The following TRAPPC12 variants were observed in gnomAD, a reference collection of about 807,000 sequenced individuals.
TRAPPC12 encodes trafficking protein particle complex subunit 12.
In TRAPPC12, 61 loss-of-function variants were observed where a neutral mutation model predicts 69.2. The observed-to-expected ratio is 0.88, with a 90% CI of 0.72 to 1.09. The LOEUF is 1.09. Among genes scored for constraint, TRAPPC12 ranks in the 50% least tolerant of loss-of-function variants. The pLI is 0.00. For synonymous variants in TRAPPC12, 469 were observed against 438.9 expected, an observed-to-expected ratio of 1.07 and a Z score of -0.86; for missense variants, 1,101 against 1,016.4, an observed-to-expected ratio of 1.08 and a Z score of -1.13.
chr2:3,478,940 T>C lies in TRAPPC12; in HGVS notation c.1965+7T>C, dbSNP rs755509634. 1.2e-6 allele frequency: 2 copies of C among 1,613,390 alleles called. No individual in the cohort carries two copies. The highest frequency in any genetic ancestry group is 1.1e-5 in the South Asian group (1 of 91,052). On this transcript the variant is annotated splice_region_variant and intron_variant, in intron 11 of 11. Transcript: ENST00000324266. ...GGATCCAAGAAACGCAGTGGTAAGA[T>C]CCCCAAGCTGCAGGATCCTCCATCC...
chr2:3,404,826 G>A (rs1012888540), intron 3 of TRAPPC12, among the ~76,000 whole-genome samples: 1 of 150,674 alleles, frequency 6.6e-6, no homozygotes, highest in Non-Finnish European at 1.5e-5. Flanking sequence ...GCGTCAGAAT[G>A]TTGGGTTTAA....
At chr2:3,426,346 A>G (rs1216166956) in intron 5 of TRAPPC12, among the ~76,000 whole-genome samples, 1 of 152,238 alleles carries the variant, frequency 6.6e-6, no homozygotes, top group Non-Finnish European at 1.5e-5. Flanking sequence ...CAGCAACACC[A>G]CTATCACTCT....
chr2:3,446,992 A>T (rs867152816), intron 6 of TRAPPC12, among the ~76,000 whole-genome samples: 1 of 152,244 alleles, frequency 6.6e-6, no homozygotes, highest in Admixed American at 6.5e-5. Flanking sequence ...CCATAAAGGA[A>T]TACCCGAGGG....
chr2:3,405,877 C>T (rs773231841), intron 3 of TRAPPC12, among the ~76,000 whole-genome samples: 1 of 152,214 alleles, frequency 6.6e-6, no homozygotes, highest in Non-Finnish European at 1.5e-5. Flanking sequence ...GCACTCCTAA[C>T]CCATGGCAGT....
At chr2:3,389,767 C>T (rs968590050) in intron 2 of TRAPPC12, 3 of 467,210 alleles carry the variant, frequency 6.4e-6, no homozygotes, top group African/African-American at 4.1e-5. Flanking sequence ...GAGATTATGC[C>T]GACAACCAGA....
Position 3,479,290 on chromosome 2 carries a change from C to T in TRAPPC12, c.2037C>T (p.Ala679=). Residue 679 remains alanine, a synonymous_variant, in exon 12 of 12, where the codon GCC becomes GCT. Transcript: ENST00000324266. ...KLKDSLRQLE[A]MVQQDPRHYL... is the part of the protein sequence containing the mutation. ...AGGACTCCCTGCGGCAGCTGGAGGC[C>T]ATGGTCCAGCAGGACCCCAGGCACT... 6.2e-7 allele frequency: 1 copy of T among 1,614,172 alleles called. No individual in the cohort carries two copies. The highest frequency in any genetic ancestry group is 8.5e-7 in the Non-Finnish European group (1 of 1,180,048).
intron 5 of TRAPPC12, among the ~76,000 whole-genome samples, chr2:3,440,045 A>G (rs945465469): frequency 7.9e-5 from 12 of 152,074 alleles, no homozygotes; most frequent in Admixed American, 5.9e-4. Flanking sequence ...CCACTGATCT[A>G]TTTGTCCGTT....
chr2:3,421,009 C>T (rs542887537), intron 3 of TRAPPC12, among the ~76,000 whole-genome samples: 81 of 152,338 alleles, frequency 5.3e-4, no homozygotes, highest in African/African-American at 1.8e-3. Context: ...CGTTCACTAA[C>T]CTCCCCGCCA....
At chr2:3,472,959 G>A (rs10208019) in intron 9 of TRAPPC12, among the ~76,000 whole-genome samples, 7,717 of 152,204 alleles carry the variant, frequency 0.051, 634 homozygotes, top group African/African-American at 0.17. Flanking sequence ...GCTGACAGCC[G>A]GCCAGGGTGG....
chr2:3,438,555 T>C (rs1350219937), intron 5 of TRAPPC12, among the ~76,000 whole-genome samples: 1 of 86,756 alleles, frequency 1.2e-5, no homozygotes, highest in Non-Finnish European at 2.2e-5. Context: ...CACCCGTGGA[T>C]TGATCCCCCC....
chr2:3,459,739 A>G (rs1398564652), intron 7 of TRAPPC12, among the ~76,000 whole-genome samples: 9 of 152,234 alleles, frequency 5.9e-5, no homozygotes, highest in Admixed American at 5.9e-4. Flanking sequence ...GTTCTGGAAC[A>G]CGGTGTAGCA....
intron 9 of TRAPPC12, among the ~76,000 whole-genome samples, chr2:3,467,056 C>G (rs1351785302): frequency 6.6e-6 from 1 of 152,234 alleles, no homozygotes; most frequent in Admixed American, 6.5e-5. Context: ...AAGTGCTTCT[C>G]CTTCCAGGGG....
At chr2:3,428,632 T>C (rs1398901917) in intron 5 of TRAPPC12, among the ~76,000 whole-genome samples, 2 of 152,262 alleles carry the variant, frequency 1.3e-5, no homozygotes, top group Non-Finnish European at 2.9e-5. Context: ...TTATGGTTGA[T>C]GTATTTACAT....
chr2:3,474,212 A>T (rs371312183), intron 9 of TRAPPC12, among the ~76,000 whole-genome samples: 1 of 152,198 alleles, frequency 6.6e-6, no homozygotes, highest in Non-Finnish European at 1.5e-5. Context: ...AGATGAATCT[A>T]TGAAGGGGAG....
chr2:3,478,833 G>C lies in TRAPPC12; in HGVS notation c.1878-13G>C. The C allele has an allele frequency of 1.2e-6, 2 of 1,613,634 alleles. No homozygotes were observed. The highest frequency in any genetic ancestry group is 2.2e-5 in the South Asian group (2 of 91,064). ...GCTTTCCCCGCTAACTGCCACCGTT[G>C]CTTGTGTTACAGCGCGTTCCTTCAC... On this transcript the variant is annotated splice_polypyrimidine_tract_variant and intron_variant, in intron 10 of 11. Transcript: ENST00000324266.
chr2:3,427,591 A>T (rs1363758711), intron 5 of TRAPPC12, among the ~76,000 whole-genome samples: 1 of 152,220 alleles, frequency 6.6e-6, no homozygotes, highest in East Asian at 1.9e-4. Context: ...ATGACCAGGT[A>T]AAAATATCCA....
rs752835171 is a variant in TRAPPC12 at position 3,388,280 on chromosome 2, G to C, written c.657G>C (p.Leu219Phe). Residue 219 changes from leucine to phenylalanine, a missense_variant, in exon 2 of 12, where the codon TTG (leucine) becomes TTC (phenylalanine). Coordinates refer to ENST00000324266, the MANE Select transcript of TRAPPC12 (RefSeq NM_016030.6). The stretch of plus-strand genomic sequence containing the variant: ...GAGACACGGCCGCCAGCCACTCCTT[G>C]GCCTCGGACTTCTTCGACTCCTTTA... ...FFGDTAASHS[L>F]ASDFFDSFTT... is the part of the protein sequence containing the mutation. 1 of 1,607,676 alleles carries C rather than the reference G, an allele frequency of 6.2e-7. No homozygotes were observed. The highest frequency in any genetic ancestry group is 1.1e-5 in the South Asian group (1 of 90,518).
At chr2:3,427,141 C>G (rs1663149430) in intron 5 of TRAPPC12, among the ~76,000 whole-genome samples, 1 of 152,204 alleles carries the variant, frequency 6.6e-6, no homozygotes, top group Non-Finnish European at 1.5e-5. Flanking sequence ...CAAGAAACAG[C>G]TGTTTTCCTA....
At chr2:3,387,470 T>C (rs113492754) in intron 1 of TRAPPC12, 150 bp from the exon 2 acceptor site, 804 of 673,782 alleles carry the variant, frequency 1.2e-3, no homozygotes, top group Non-Finnish European at 1.5e-3. Flanking sequence ...GTGGTCAATT[T>C]TATGTGTATT....
Sources: allele counts gnomAD v4.1 joint callset (sites outside exome capture counted in the v4.1 genomes callset), GRCh38; gene constraint gnomAD v4.1.1; transcripts MANE v1.5; gene names NCBI Gene and HGNC (gene_info 2026-07-23, HGNC 2026-07-21).